The following GPHN variants were observed in gnomAD, a reference collection of about 807,000 sequenced individuals.
The protein encoded by GPHN is gephyrin.
In GPHN, 17 loss-of-function variants were observed where a neutral mutation model predicts 95.5. That is an observed-to-expected ratio of 0.18 (90% CI 0.12 to 0.27). The LOEUF (loss-of-function observed/expected upper bound fraction) is 0.27. Among genes scored for constraint, GPHN ranks in the 10% least tolerant of loss-of-function variants. GPHN has a pLI of 1.00. For synonymous variants in GPHN, 320 were observed against 322.5 expected (o/e 0.99, Z 0.08); for missense variants, 660 against 978.1 (o/e 0.67, Z 4.34).
the GPHN span, chr14:67,581,992 G>A: frequency 1.1e-5 from 15 of 1,417,160 alleles, no homozygotes; most frequent in Non-Finnish European, 1.4e-5. Flanking sequence ...TGGAAATAAA[G>A]GTAACAGACC....
chr14:67,469,440 C>CTTTTTTTTTTTTTT, the GPHN span, among the ~76,000 whole-genome samples: 2 of 80,864 alleles, frequency 2.5e-5, no homozygotes, highest in African/African-American at 4.9e-5. Flanking sequence ...CCATGCCTGG[C>CTTTTTTTTTTTTTT]TTTTTTTTTT....
At chr14:67,500,568 T>C in the GPHN span, among the ~76,000 whole-genome samples, 1 of 148,360 alleles carries the variant, frequency 6.7e-6, no homozygotes, top group Non-Finnish European at 1.5e-5. Flanking sequence ...TCCATGTGCA[T>C]TTGGATTTTT....
the GPHN span, among the ~76,000 whole-genome samples, chr14:67,463,287 A>G: frequency 6.6e-6 from 1 of 152,142 alleles, no homozygotes; most frequent in African/African-American, 2.4e-5. Flanking sequence ...AAATATATTA[A>G]AAACCAAAGG....
chr14:67,672,968 C>T, the GPHN span, among the ~76,000 whole-genome samples: 3 of 152,236 alleles, frequency 2.0e-5, no homozygotes, highest in Non-Finnish European at 4.4e-5. Flanking sequence ...TGCTTAAAGG[C>T]ATTTGCAGTG....
At chr14:67,084,488 G>C (rs1477872054) in intron 11 of GPHN, among the ~76,000 whole-genome samples, 2 of 152,154 alleles carry the variant, frequency 1.3e-5, no homozygotes, top group Non-Finnish European at 2.9e-5. Flanking sequence ...TTGGTTAGGT[G>C]ATTTTCTGTA....
the GPHN span, among the ~76,000 whole-genome samples, chr14:67,286,722 G>T: frequency 6.6e-6 from 1 of 151,776 alleles, no homozygotes; most frequent in South Asian, 2.1e-4. Flanking sequence ...GCCAGGTGTG[G>T]TGGAATGCGA....
At position 66,587,087 on chromosome 14, in the gene GPHN, CAA is replaced by C. The variant is rs375969872; in HGVS notation, c.64+78497_64+78498del. On this transcript the variant is annotated intron_variant, in intron 1 of 22. Coordinates refer to ENST00000478722, the MANE Select transcript of GPHN (RefSeq NM_020806.5). The stretch of plus-strand genomic sequence containing the variant: ...GGAGATACCACAGAAATACAGATGA[CAA>C]GAGACTACTGTGAACAGTTATACAC... Among the ~76,000 whole-genome samples, 380 of 152,076 alleles carry C rather than the reference CAA, an allele frequency of 2.5e-3. 1 individual carries two copies. The highest frequency in any genetic ancestry group is 8.7e-3 in the African/African-American group (362 of 41,504).
the GPHN span, among the ~76,000 whole-genome samples, chr14:67,308,715 T>G: frequency 3.3e-5 from 5 of 152,050 alleles, no homozygotes; most frequent in African/African-American, 1.2e-4. Context: ...ACAAGTACCA[T>G]CTACTGTGCC....
intron 1 of GPHN, among the ~76,000 whole-genome samples, chr14:66,570,043 TG>T (rs59729705): frequency 0.31 from 46,220 of 151,296 alleles, 10,666 homozygotes; most frequent in African/African-American, 0.62. Flanking sequence ...ATATTCTATT[TG>T]TTTTTTTGTG....
chr14:66,899,122 CTTT>C (rs149566081), intron 5 of GPHN, among the ~76,000 whole-genome samples: 2 of 130,804 alleles, frequency 1.5e-5, no homozygotes, highest in African/African-American at 2.7e-5. Context: ...AGGGCTTTTT[CTTT>C]TTTTTTTTTT....
chr14:66,913,588 C>A (rs2065776861), intron 5 of GPHN, among the ~76,000 whole-genome samples: 1 of 152,170 alleles, frequency 6.6e-6, no homozygotes, highest in Admixed American at 6.5e-5. Flanking sequence ...GATCCTCCCA[C>A]CTCGGCTTCC....
At chr14:67,398,014 T>G in the GPHN span, 1 of 416,972 alleles carries the variant, frequency 2.4e-6, no homozygotes, top group Admixed American at 4.3e-5. Context: ...GACCTTCTAG[T>G]TCCTATTTGG....
At chr14:67,582,852 C>CA in the GPHN span, among the ~76,000 whole-genome samples, 1 of 151,900 alleles carries the variant, frequency 6.6e-6, no homozygotes, top group Non-Finnish European at 1.5e-5. This position sits in a 1 kb window ranked among gnomAD's most constrained non-coding sequence, Gnocchi z 5.0. Flanking sequence ...CAAAACAAAA[C>CA]AAACAAACAA....
the GPHN span, among the ~76,000 whole-genome samples, chr14:67,456,102 A>G: frequency 1.3e-5 from 2 of 152,234 alleles, no homozygotes; most frequent in Non-Finnish European, 2.9e-5. Flanking sequence ...TCTATAAGGA[A>G]CTTAAACAAA....
At chr14:67,364,986 C>T in the GPHN span, 3 of 1,606,970 alleles carry the variant, frequency 1.9e-6, no homozygotes. Flanking sequence ...GTGTGGTTGT[C>T]ATTAGGGTGG....
At chr14:67,145,164 A>T (rs2080826832) in intron 18 of GPHN, among the ~76,000 whole-genome samples, 2 of 152,212 alleles carry the variant, frequency 1.3e-5, no homozygotes, top group African/African-American at 2.4e-5. Context: ...TTAAATGTTA[A>T]ATTTGTTATT....
At chr14:67,424,014 G>A in the GPHN span, among the ~76,000 whole-genome samples, 2 of 152,184 alleles carry the variant, frequency 1.3e-5, no homozygotes, top group Admixed American at 6.5e-5. Context: ...AAGGCAGGCA[G>A]ATCACCTGAG....
At chr14:67,715,268 TA>T in the GPHN span, 3 of 152,110 alleles carry the variant, frequency 2.0e-5, no homozygotes, top group South Asian at 6.2e-4. Context: ...GGCCCTACAA[TA>T]TCCAGATCTA....
intron 1 of GPHN, among the ~76,000 whole-genome samples, chr14:66,600,881 T>C (rs538462499): frequency 2.2e-3 from 341 of 152,238 alleles, no homozygotes; most frequent in African/African-American, 7.7e-3. Context: ...CTCCTCCTCC[T>C]GCACATTTCC....
Sources: allele counts gnomAD v4.1 joint callset (sites outside exome capture counted in the v4.1 genomes callset), GRCh38; gene constraint gnomAD v4.1.1; non-coding constraint Gnocchi (gnomAD v3.1); transcripts MANE v1.5; gene names NCBI Gene and HGNC (gene_info 2026-07-23, HGNC 2026-07-21).